Variants in LIMS2 observed in about 807,000 individuals in gnomAD.
LIMS2 encodes LIM and senescent cell antigen-like-containing domain protein 2.
In LIMS2, 30 loss-of-function variants were observed where a neutral mutation model predicts 45.3. That is an observed-to-expected ratio of 0.66 (90% CI 0.50 to 0.90). The LOEUF is 0.90. Among genes scored for constraint, LIMS2 ranks in the 40% least tolerant of loss-of-function variants. The pLI is 0.00. For synonymous variants in LIMS2, 173 were observed against 188.0 expected, an observed-to-expected ratio of 0.92 and a Z score of 0.65; for missense variants, 485 against 468.7, an observed-to-expected ratio of 1.03 and a Z score of -0.32.
chr2:127,679,086 C>T (rs75231365), upstream of LIMS2, among the ~76,000 whole-genome samples: 2,174 of 152,122 alleles, frequency 0.014, 65 homozygotes, highest in African/African-American at 0.05. This position sits in a 1 kb window ranked among gnomAD's most constrained non-coding sequence, Gnocchi z 5.3. Flanking sequence ...GCCACTGCCC[C>T]GTGTGCACAC....
At chr2:127,641,716 G>A (rs929772543) in intron 6 of LIMS2, 21 of 251,800 alleles carry the variant, frequency 8.3e-5, no homozygotes, top group South Asian at 8.7e-5. Flanking sequence ...TCCATGCAGC[G>A]GGTTCTGTCA....
intron 7 of LIMS2, chr2:127,640,523 G>A: frequency 1.6e-6 from 1 of 627,164 alleles, no homozygotes. Context: ...CTGGGGCGTT[G>A]CTCCCCAGAA....
chr2:127,650,524 T>C (rs984157885), intron 4 of LIMS2: 1 of 585,952 alleles, frequency 1.7e-6, no homozygotes, highest in African/African-American at 1.9e-5. Context: ...TGCCTTGTGC[T>C]GAAGTTCAGA....
chr2:127,648,963 AG>A (rs1216405916), intron 4 of LIMS2, among the ~76,000 whole-genome samples: 139 of 12,520 alleles, frequency 0.011, 7 homozygotes, highest in African/African-American at 0.044. Flanking sequence ...AGGGGAGGGG[AG>A]GGGGGGAGGG....
Position 127,661,779 on chromosome 2 carries a change from G to T in LIMS2, c.12-4217C>A, listed in dbSNP as rs182374647. The stretch of plus-strand genomic sequence containing the variant: ...GTCTGAGGTGGGATCAGAGGAGCCT[G>T]CTCTGTTCCAGGCCTTTGTATAAGG... On this transcript the variant is annotated intron_variant, in intron 1 of 9. Transcript: ENST00000355119. Among the ~76,000 whole-genome samples the T allele has an allele frequency of 2.4e-3, 367 of 152,318 alleles. 1 individual carries two copies. The highest frequency in any genetic ancestry group is 8.5e-3 in the African/African-American group (353 of 41,566).
chr2:127,649,846 C>T, intron 4 of LIMS2: 1 of 638,450 alleles, frequency 1.6e-6, no homozygotes, highest in Non-Finnish European at 2.7e-6. Flanking sequence ...GATCCGTCCT[C>T]AACAGCGCTG....
At chr2:127,674,644 G>A (rs1017345222) in intron 1 of LIMS2, 1 of 985,202 alleles carries the variant, frequency 1.0e-6, no homozygotes, top group African/African-American at 1.7e-5. Context: ...CGCACAGCGC[G>A]GGCTCGGGGA....
intron 1 of LIMS2, among the ~76,000 whole-genome samples, chr2:127,660,901 T>C (rs1240018573): frequency 8.4e-6 from 1 of 119,376 alleles, no homozygotes; most frequent in Non-Finnish European, 1.6e-5. Flanking sequence ...GCCGACAGTA[T>C]CGCACAAAGC....
Position 127,647,924 on chromosome 2 carries a change from C to T in LIMS2, c.360-4852G>A. The T allele has an allele frequency of 2.7e-6, 2 of 743,014 alleles. No individual in the cohort carries two copies. The highest frequency in any genetic ancestry group is 6.0e-5 in the South Asian group (1 of 16,572). The allele number at this position is 743,014 out of a possible 1,614,324, so 46.0% of individuals were successfully genotyped here. On this transcript the variant is annotated intron_variant, in intron 4 of 9. Coordinates refer to ENST00000355119, the MANE Select transcript of LIMS2 (RefSeq NM_001161403.3). This position sits in a 1 kb window ranked among gnomAD's most constrained non-coding sequence, Gnocchi z 4.3. ...TTCTCCCCTGCCTCACAGGCCCTGT[C>T]AAGGGCTGTGTTCCTCCCTCCTTTT...
chr2:127,655,481 C>T (rs547006903), intron 2 of LIMS2: 1 of 158,112 alleles, frequency 6.3e-6, no homozygotes, highest in South Asian at 1.8e-4. Flanking sequence ...CCTGCCTCTG[C>T]TTTCCTCTAA....
At chr2:127,661,715 A>G (rs1324016081) in intron 1 of LIMS2, among the ~76,000 whole-genome samples, 1 of 152,182 alleles carries the variant, frequency 6.6e-6, no homozygotes, top group Non-Finnish European at 1.5e-5. Flanking sequence ...CTCAGTTTTG[A>G]CAGCCAATAC....
chr2:127,650,131 TG>T lies in LIMS2; in HGVS notation c.359+4292del. On this transcript the variant is annotated intron_variant, in intron 4 of 9. Transcript: ENST00000355119. ...CAGGGTACAGCCCTTGCTGCCATCC[TG>T]GGGGCACCCTCCTAAGTGCCAGGGG... 3.3e-6 allele frequency: 5 copies of T among 1,499,232 alleles called. No homozygotes were observed. The South Asian group carries it at 3.5e-5, about 11-fold the overall frequency. The allele number at this position is 1,499,232 out of a possible 1,614,324, so 92.9% of individuals were successfully genotyped here. A position where few individuals can be genotyped will look rare whatever the true frequency, so the allele number is the denominator to read the frequency against.
Position 127,671,530 on chromosome 2 carries a change from C to G in LIMS2, c.11+3484G>C, listed in dbSNP as rs1015082977. On this transcript the variant is annotated intron_variant, in intron 1 of 9. Coordinates refer to ENST00000355119, the MANE Select transcript of LIMS2 (RefSeq NM_001161403.3). This position sits in a 1 kb window ranked among gnomAD's most constrained non-coding sequence, Gnocchi z 4.1. Reference sequence around the variant, plus strand: ...GATAGAAAGCCCGGGCTCCTCTCCCCAGTGGCTCCCTGGGCTGTCCCTTGC... The same window carrying G: ...GATAGAAAGCCCGGGCTCCTCTCCCGAGTGGCTCCCTGGGCTGTCCCTTGC... Among the ~76,000 whole-genome samples, 1 of 152,220 alleles carries G rather than the reference C, an allele frequency of 6.6e-6. No individual in the cohort carries two copies. The highest frequency in any genetic ancestry group is 1.5e-5 in the Non-Finnish European group (1 of 68,034).
At chr2:127,660,725 C>T (rs1684581259) in intron 1 of LIMS2, among the ~76,000 whole-genome samples, 1 of 152,212 alleles carries the variant, frequency 6.6e-6, no homozygotes, top group Non-Finnish European at 1.5e-5. Context: ...CAAGAACCCA[C>T]CAAAAGGAGC....
chr2:127,670,267 G>A (rs545503011), intron 1 of LIMS2, among the ~76,000 whole-genome samples: 38 of 152,254 alleles, frequency 2.5e-4, no homozygotes, highest in African/African-American at 8.7e-4. Flanking sequence ...ACAAACTATG[G>A]CACAATGGAA....
At position 127,664,432 on chromosome 2, in the gene LIMS2, G is replaced by A. The variant is rs1684884960; in HGVS notation, c.12-6870C>T. 2.5e-6 allele frequency: 3 copies of A among 1,191,190 alleles called. No homozygotes were observed. In the East Asian group the frequency reaches 1.1e-4, roughly 43 times the overall value. The allele number at this position is 1,191,190 out of a possible 1,614,324, so 73.8% of individuals were successfully genotyped here. On this transcript the variant is annotated intron_variant, in intron 1 of 9. Coordinates refer to ENST00000355119, the MANE Select transcript of LIMS2 (RefSeq NM_001161403.3). The surrounding 1 kb of genome is among the most constrained non-coding windows in gnomAD (Gnocchi z 5.5). Reference sequence around the variant, plus strand: ...TGAGGTCGCGGGCGCGGGCCGCCTGGTGCAGGGGCTATGGGACCACCTCGG... The same window carrying A: ...TGAGGTCGCGGGCGCGGGCCGCCTGATGCAGGGGCTATGGGACCACCTCGG...
At chr2:127,649,041 G>A (rs1463419983) in intron 4 of LIMS2, among the ~76,000 whole-genome samples, 18 of 78,996 alleles carry the variant, frequency 2.3e-4, no homozygotes, top group Non-Finnish European at 4.6e-4. Context: ...GAAAAAGAAA[G>A]AAAGAGAAAA....
At chr2:127,678,337 G>A (rs1442851032), upstream of LIMS2, among the ~76,000 whole-genome samples, 1 of 152,098 alleles carries the variant, frequency 6.6e-6, no homozygotes, top group Non-Finnish European at 1.5e-5. The surrounding 1 kb of genome is among the most constrained non-coding windows in gnomAD (Gnocchi z 5.3). Flanking sequence ...ACAGAGAGGT[G>A]GTAACGTGAG....
chr2:127,647,917 G>A lies in LIMS2; in HGVS notation c.360-4845C>T, dbSNP rs74864078. The A allele has an allele frequency of 0.01, 6,845 of 656,286 alleles. 43 individuals are homozygous for A. Among genetic ancestry groups the A allele is most frequent in the Middle Eastern group, 0.014 (18 of 1,328 alleles). The allele number at this position is 656,286 out of a possible 1,614,324, so 40.7% of individuals were successfully genotyped here. ...CTCCCTGTTCTCCCCTGCCTCACAG[G>A]CCCTGTCAAGGGCTGTGTTCCTCCC... is the stretch of plus-strand genomic sequence containing the variant. On this transcript the variant is annotated intron_variant, in intron 4 of 9. Transcript: ENST00000355119. This position sits in a 1 kb window ranked among gnomAD's most constrained non-coding sequence, Gnocchi z 4.3.
Sources: allele counts gnomAD v4.1 joint callset (sites outside exome capture counted in the v4.1 genomes callset), GRCh38; gene constraint gnomAD v4.1.1; non-coding constraint Gnocchi (gnomAD v3.1); transcripts MANE v1.5; gene names NCBI Gene and HGNC (gene_info 2026-07-23, HGNC 2026-07-21).